NELL1: variants seen among roughly 807,000 people sequenced by gnomAD.
The protein encoded by NELL1 is neural EGFL like 1, also known as protein kinase C-binding protein NELL1.
A neutral mutation model predicts 107.4 loss-of-function variants in NELL1; 76 were observed. The observed-to-expected ratio is 0.71, with a 90% CI of 0.59 to 0.86. The LOEUF (loss-of-function observed/expected upper bound fraction) is 0.86. NELL1 is among the 40% of genes least tolerant of loss of function. The probability of loss-of-function intolerance (pLI) is 0.00; values close to 1 mark genes in which losing one functional copy is unlikely to be tolerated. For synonymous variants in NELL1, 353 were observed against 341.2 expected, an observed-to-expected ratio of 1.03 and a Z score of -0.38; for missense variants, 1,024 against 1,005.5, an observed-to-expected ratio of 1.02 and a Z score of -0.25.
At chr11:21,353,392 G>A (rs904746978) in intron 14 of NELL1, among the ~76,000 whole-genome samples, 1 of 152,200 alleles carries the variant, frequency 6.6e-6, no homozygotes, top group Non-Finnish European at 1.5e-5. Flanking sequence ...GCACAGAGGA[G>A]GTAACTTGCT....
At chr11:21,555,782 C>T (rs1856689660) in intron 16 of NELL1, among the ~76,000 whole-genome samples, 1 of 151,844 alleles carries the variant, frequency 6.6e-6, no homozygotes, top group African/African-American at 2.4e-5. Context: ...GCTGAACATC[C>T]TGTGTTTTGC....
At chr11:20,725,940 C>G (rs576784367) in intron 2 of NELL1, among the ~76,000 whole-genome samples, 62 of 152,258 alleles carry the variant, frequency 4.1e-4, no homozygotes, top group African/African-American at 1.3e-3. Flanking sequence ...TCTATTGTTG[C>G]CATCTTTATG....
At chr11:20,856,569 GC>G (rs1305128889) in intron 4 of NELL1, among the ~76,000 whole-genome samples, 1 of 152,198 alleles carries the variant, frequency 6.6e-6, no homozygotes, top group Non-Finnish European at 1.5e-5. Flanking sequence ...GAGGTAAACA[GC>G]CCTAGGCTGT....
chr11:21,560,593 G>A (rs530807324), intron 17 of NELL1, among the ~76,000 whole-genome samples: 1 of 152,050 alleles, frequency 6.6e-6, no homozygotes, highest in Non-Finnish European at 1.5e-5. Flanking sequence ...TGAGGTATGA[G>A]ATTGAGAAGG....
At chr11:21,155,533 AT>A (rs1455736700) in intron 13 of NELL1, among the ~76,000 whole-genome samples, 1 of 152,160 alleles carries the variant, frequency 6.6e-6, no homozygotes, top group Non-Finnish European at 1.5e-5. Flanking sequence ...CAGAAACATT[AT>A]TTTCTTGAAA....
At chr11:21,075,347 G>C (rs564963769) in intron 12 of NELL1, among the ~76,000 whole-genome samples, 36 of 152,112 alleles carry the variant, frequency 2.4e-4, no homozygotes, top group African/African-American at 8.2e-4. Flanking sequence ...TACATATATT[G>C]CTACACTCTG....
intron 3 of NELL1, 86 bp downstream of exon 3, chr11:20,783,916 A>T: frequency 7.5e-7 from 1 of 1,326,736 alleles, no homozygotes. Flanking sequence ...TTGTAGCCCC[A>T]TGAAAACTTT....
chr11:20,999,887 C>G (rs1369127003), intron 12 of NELL1, among the ~76,000 whole-genome samples: 2 of 152,126 alleles, frequency 1.3e-5, no homozygotes, highest in East Asian at 3.9e-4. Context: ...AGTTTTAGCT[C>G]TAATCTGCCA....
intron 12 of NELL1, among the ~76,000 whole-genome samples, chr11:21,087,917 T>G (rs937054067): frequency 6.6e-6 from 1 of 152,202 alleles, no homozygotes; most frequent in African/African-American, 2.4e-5. Flanking sequence ...CCAGAAAGAC[T>G]GTTACTATCT....
intron 4 of NELL1, among the ~76,000 whole-genome samples, chr11:20,861,031 C>A (rs945070061): frequency 2.6e-5 from 4 of 152,128 alleles, no homozygotes; most frequent in African/African-American, 9.7e-5. Flanking sequence ...TTAGACTAAC[C>A]TCTTTGGGCA....
rs546679617 is a variant in NELL1 at position 21,361,809 on chromosome 11, A to T, written c.1550-9044A>T. Among the ~76,000 whole-genome samples the T allele has an allele frequency of 6.6e-5, 10 of 152,118 alleles. No homozygotes were observed. The East Asian group carries it at 1.9e-3, about 29-fold the overall frequency. ...TTTCCACTGAATTTTGTATTTCTCT[A>T]AGTATTCCTTTCATTTCTAGAAGTT... On this transcript the variant is annotated intron_variant, in intron 14 of 19. Transcript: ENST00000357134.
At chr11:21,169,841 AC>A in intron 13 of NELL1, 1 of 1,418,364 alleles carries the variant, frequency 7.1e-7, no homozygotes. Flanking sequence ...AAGTGCTTGC[AC>A]CCCAGAGTCC....
chr11:20,717,336 A>G (rs1338538753), intron 2 of NELL1, among the ~76,000 whole-genome samples: 1 of 152,120 alleles, frequency 6.6e-6, no homozygotes, highest in Non-Finnish European at 1.5e-5. Flanking sequence ...TCCCACCTAA[A>G]TCACTTCAGT....
chr11:20,872,031 AAAAAAAAAAAAG>A (rs975719414), intron 4 of NELL1, among the ~76,000 whole-genome samples: 1 of 150,212 alleles, frequency 6.7e-6, no homozygotes, highest in African/African-American at 2.4e-5. Context: ...AAAAAAAAAA[AAAAAAAAAAAAG>A]AAGAGGCCCA....
chr11:21,137,048 GAGA>G (rs1855759053), intron 13 of NELL1, among the ~76,000 whole-genome samples: 1 of 152,212 alleles, frequency 6.6e-6, no homozygotes, highest in Non-Finnish European at 1.5e-5. Context: ...TTACAGAAGA[GAGA>G]AGGAGGAGGC....
At chr11:21,300,215 C>T (rs768172364) in intron 14 of NELL1, among the ~76,000 whole-genome samples, 1 of 151,976 alleles carries the variant, frequency 6.6e-6, no homozygotes, top group Admixed American at 6.6e-5. Context: ...TGAATGATGC[C>T]AGGGAGACAT....
chr11:20,874,528 G>C (rs1003244623), intron 4 of NELL1, among the ~76,000 whole-genome samples: 1 of 152,176 alleles, frequency 6.6e-6, no homozygotes, highest in Non-Finnish European at 1.5e-5. Flanking sequence ...AGCAATGCTT[G>C]TCTTTTAGGG....
intron 3 of NELL1, among the ~76,000 whole-genome samples, chr11:20,830,077 T>G (rs192213265): frequency 1.5e-3 from 231 of 152,054 alleles, no homozygotes; most frequent in Non-Finnish European, 1.9e-3. Context: ...ATCGACACCA[T>G]CCTGGCAAAC....
intron 13 of NELL1, among the ~76,000 whole-genome samples, chr11:21,213,532 ATTGAATTGAATT>A (rs1040316700): frequency 2.0e-5 from 3 of 152,186 alleles, no homozygotes; most frequent in African/African-American, 4.8e-5. Context: ...AATTGAATCA[ATTGAATTGAATT>A]TTGAATTGAA....
Sources: gnomAD v4.1 joint callset for allele counts (sites outside exome capture counted in the v4.1 genomes callset) on GRCh38, gnomAD v4.1.1 for gene constraint, MANE v1.5 for transcripts, NCBI Gene and HGNC (gene_info 2026-07-23, HGNC 2026-07-21) for gene names.